SETD3: variants seen among roughly 807,000 people sequenced by gnomAD.
The protein encoded by SETD3 is actin-histidine N-methyltransferase.
A neutral mutation model predicts 63.0 loss-of-function variants in SETD3; 19 were observed. The ratio of observed to expected loss-of-function variants is 0.30; its 90% CI spans 0.21 to 0.44. SETD3 has a LOEUF of 0.44. SETD3 is among the 20% of genes least tolerant of loss of function. The probability of loss-of-function intolerance (pLI) is 1.00; values close to 1 mark genes in which losing one functional copy is unlikely to be tolerated. For synonymous variants in SETD3, 286 were observed against 264.1 expected (o/e 1.08, Z -0.80); for missense variants, 587 against 728.5 (o/e 0.81, Z 2.24).
At chr14:99,442,549 TACTC>T (rs1390648011) in intron 6 of SETD3, among the ~76,000 whole-genome samples, 1 of 152,210 alleles carries the variant, frequency 6.6e-6, no homozygotes, top group Non-Finnish European at 1.5e-5. Context: ...CTTCTCCTCT[TACTC>T]AATGTCACAA....
intron 7 of SETD3, among the ~76,000 whole-genome samples, chr14:99,413,542 C>CA (rs1457954307): frequency 1.3e-5 from 2 of 151,986 alleles, no homozygotes; most frequent in African/African-American, 4.8e-5. Context: ...TCTCTCCGTT[C>CA]AAAAAAAGTC....
chr14:99,412,097 T>A (rs1043975238), intron 8 of SETD3: 29 of 152,364 alleles, frequency 1.9e-4, no homozygotes, highest in Non-Finnish European at 3.8e-4. Context: ...ACATAAAACC[T>A]AATCAAACAG....
upstream of SETD3, among the ~76,000 whole-genome samples, chr14:99,485,719 G>A (rs1896468149): frequency 6.6e-6 from 1 of 152,096 alleles, no homozygotes; most frequent in Non-Finnish European, 1.5e-5. Flanking sequence ...TTCCAGCCAG[G>A]CACGGTGGCT....
intron 6 of SETD3, among the ~76,000 whole-genome samples, chr14:99,416,466 C>A (rs907473270): frequency 1.3e-5 from 2 of 152,222 alleles, no homozygotes; most frequent in African/African-American, 4.8e-5. Flanking sequence ...CTAGCTTGCA[C>A]TTTTAAAATA....
intron 8 of SETD3, among the ~76,000 whole-genome samples, chr14:99,409,603 G>T (rs1891866852): frequency 6.6e-6 from 1 of 152,162 alleles, no homozygotes; most frequent in East Asian, 1.9e-4. Context: ...ATAGGAGGAA[G>T]AGCACGATAT....
chr14:99,482,915 G>C (rs569599944), upstream of SETD3, among the ~76,000 whole-genome samples: 1 of 152,164 alleles, frequency 6.6e-6, no homozygotes, highest in South Asian at 2.1e-4. Flanking sequence ...CTTTAAAATT[G>C]GATAAGGACA....
At chr14:99,450,984 G>C (rs918096046) in intron 6 of SETD3, among the ~76,000 whole-genome samples, 1 of 152,278 alleles carries the variant, frequency 6.6e-6, no homozygotes, top group African/African-American at 2.4e-5. Flanking sequence ...ACATGGCACT[G>C]ATTATCAATT....
intron 1 of SETD3, among the ~76,000 whole-genome samples, chr14:99,479,315 C>G (rs953576498): frequency 6.6e-6 from 1 of 152,176 alleles, no homozygotes; most frequent in Non-Finnish European, 1.5e-5. Flanking sequence ...AAGAAAAACT[C>G]CTCGGTAAAC....
chr14:99,472,640 T>C (rs1259347209), intron 1 of SETD3, among the ~76,000 whole-genome samples: 2 of 152,238 alleles, frequency 1.3e-5, no homozygotes, highest in African/African-American at 4.8e-5. Flanking sequence ...CCAATATTTA[T>C]ATTAGGAAAA....
Position 99,447,319 on chromosome 14 carries a change from A to G in SETD3, c.675+10960T>C, listed in dbSNP as rs77769901. 8.9e-3 allele frequency among the ~76,000 whole-genome samples: 1,362 copies of G among 152,362 alleles called. 12 individuals carry two copies. The highest frequency in any genetic ancestry group is 0.015 in the Non-Finnish European group (995 of 68,034). ...CAAAAGCCACTGGAACTAAAGCTGGACAAAATAGAAAAAATGAAGAACACT... is the reference window on the plus strand; with the variant it reads ...CAAAAGCCACTGGAACTAAAGCTGGGCAAAATAGAAAAAATGAAGAACACT... On this transcript the variant is annotated intron_variant, in intron 6 of 12. Coordinates refer to ENST00000331768, the MANE Select transcript of SETD3 (RefSeq NM_032233.3).
intron 6 of SETD3, among the ~76,000 whole-genome samples, chr14:99,419,255 C>T (rs1441902328): frequency 6.6e-6 from 1 of 152,076 alleles, no homozygotes; most frequent in Non-Finnish European, 1.5e-5. Context: ...AGATTTTCTG[C>T]CTTTCGCTTA....
chr14:99,404,892 A>C (rs1380992831), intron 10 of SETD3, among the ~76,000 whole-genome samples: 1 of 152,216 alleles, frequency 6.6e-6, no homozygotes, highest in African/African-American at 2.4e-5. Context: ...AATGAAACAA[A>C]TTGATCCAGG....
intron 6 of SETD3, among the ~76,000 whole-genome samples, chr14:99,424,748 T>C (rs996345048): frequency 6.6e-6 from 1 of 151,936 alleles, no homozygotes; most frequent in Non-Finnish European, 1.5e-5. Context: ...TCTTGTCACA[T>C]GGTCTCAGTT....
intron 6 of SETD3, among the ~76,000 whole-genome samples, chr14:99,451,311 C>G (rs913124045): frequency 6.6e-6 from 1 of 152,068 alleles, no homozygotes; most frequent in Non-Finnish European, 1.5e-5. Flanking sequence ...CCACCATGAG[C>G]CCTCTCTTCT....
chr14:99,428,394 T>C (rs1179566672), intron 6 of SETD3, among the ~76,000 whole-genome samples: 1 of 152,052 alleles, frequency 6.6e-6, no homozygotes. Context: ...CCTGTAATCC[T>C]AGCATTTTGG....
chr14:99,425,478 C>G (rs575895332), intron 6 of SETD3, among the ~76,000 whole-genome samples: 1 of 152,246 alleles, frequency 6.6e-6, no homozygotes, highest in African/African-American at 2.4e-5. Flanking sequence ...CCTGGAAGAC[C>G]TGGAGCAAGT....
At chr14:99,485,424 A>G (rs906167932), upstream of SETD3, among the ~76,000 whole-genome samples, 1 of 152,178 alleles carries the variant, frequency 6.6e-6, no homozygotes, top group Admixed American at 6.5e-5. Context: ...CCCTTAAAAG[A>G]TTATTTAAAA....
At chr14:99,476,264 G>A (rs754668052) in intron 1 of SETD3, among the ~76,000 whole-genome samples, 4 of 152,278 alleles carry the variant, frequency 2.6e-5, no homozygotes, top group East Asian at 1.9e-4. Context: ...TCATGAGTTC[G>A]GCTCAAAACC....
the SETD3 span, among the ~76,000 whole-genome samples, chr14:99,486,107 C>T: frequency 1.3e-5 from 2 of 152,012 alleles, no homozygotes; most frequent in Non-Finnish European, 2.9e-5. Flanking sequence ...TAATAAACAA[C>T]TAATCACCAA....
Sources: allele counts gnomAD v4.1 joint callset (sites outside exome capture counted in the v4.1 genomes callset), GRCh38; gene constraint gnomAD v4.1.1; transcripts MANE v1.5; gene names NCBI Gene and HGNC (gene_info 2026-07-23, HGNC 2026-07-21).